The following LYPD6B variants were observed in gnomAD, a reference collection of about 807,000 sequenced individuals.
LYPD6B encodes the protein LY6/PLAUR domain containing 6B.
A neutral mutation model predicts 22.8 loss-of-function variants in LYPD6B; 17 were observed. That is an observed-to-expected ratio of 0.75 (90% CI 0.51 to 1.12). The LOEUF is 1.12. Ranked by LOEUF, LYPD6B falls within the 50% of genes most tolerant of loss-of-function variation. The pLI is 0.00. For synonymous variants in LYPD6B, 106 were observed against 91.6 expected (o/e 1.16, Z -0.90); for missense variants, 221 against 258.3 (o/e 0.86, Z 0.99).
intron 3 of LYPD6B, among the ~76,000 whole-genome samples, chr2:149,181,577 C>A (rs1691725808): frequency 6.6e-6 from 1 of 152,180 alleles, no homozygotes; most frequent in Non-Finnish European, 1.5e-5. Context: ...GTATCAACTT[C>A]CTTAAACTTT....
intron 1 of LYPD6B, among the ~76,000 whole-genome samples, chr2:149,078,304 G>A (rs1202312481): frequency 6.6e-6 from 1 of 152,134 alleles, no homozygotes; most frequent in African/African-American, 2.4e-5. Flanking sequence ...GTTTGCTTTT[G>A]CTTCCCTTCC....
intron 3 of LYPD6B, among the ~76,000 whole-genome samples, chr2:149,168,920 T>G (rs1690621748): frequency 6.6e-6 from 1 of 152,192 alleles, no homozygotes; most frequent in African/African-American, 2.4e-5. Flanking sequence ...ATGAGCCTAT[T>G]TAGGTATTAT....
intron 2 of LYPD6B, among the ~76,000 whole-genome samples, chr2:149,137,222 T>C (rs1688420464): frequency 6.6e-6 from 1 of 152,176 alleles, no homozygotes; most frequent in South Asian, 2.1e-4. Context: ...ATTAAATTGT[T>C]AAGATCATGC....
intron 1 of LYPD6B, among the ~76,000 whole-genome samples, chr2:149,053,324 C>G (rs548956953): frequency 7.9e-5 from 12 of 152,222 alleles, no homozygotes; most frequent in African/African-American, 2.6e-4. Flanking sequence ...AATGAATGTA[C>G]CATAAATAGC....
intron 1 of LYPD6B, among the ~76,000 whole-genome samples, chr2:149,121,663 C>T (rs1687366656): frequency 6.6e-6 from 1 of 152,144 alleles, no homozygotes; most frequent in Non-Finnish European, 1.5e-5. Context: ...CAGTCCTGGG[C>T]TGAAGGGGTG....
At chr2:149,159,498 G>T (rs1316787110) in intron 2 of LYPD6B, among the ~76,000 whole-genome samples, 1 of 151,676 alleles carries the variant, frequency 6.6e-6, no homozygotes, top group African/African-American at 2.4e-5. Flanking sequence ...TATATGTTTT[G>T]TAAATGAACT....
At chr2:149,091,311 C>T (rs1426824657) in intron 1 of LYPD6B, among the ~76,000 whole-genome samples, 3 of 150,402 alleles carry the variant, frequency 2.0e-5, no homozygotes, top group African/African-American at 7.3e-5. Flanking sequence ...GTAAAGATTA[C>T]ATAAAATAAA....
intron 3 of LYPD6B, among the ~76,000 whole-genome samples, chr2:149,178,790 C>T (rs1364311266): frequency 2.0e-5 from 3 of 152,140 alleles, no homozygotes; most frequent in Non-Finnish European, 4.4e-5. Flanking sequence ...TTACTCTAGC[C>T]AGTGGGTCTT....
At chr2:149,068,994 A>G in intron 1 of LYPD6B, 1 of 174,250 alleles carries the variant, frequency 5.7e-6, no homozygotes, top group South Asian at 1.3e-4. Context: ...ATCACTTCTT[A>G]AAACTCATTT....
At chr2:149,111,056 T>A (rs1450901409) in intron 1 of LYPD6B, among the ~76,000 whole-genome samples, 1 of 152,044 alleles carries the variant, frequency 6.6e-6, no homozygotes, top group Non-Finnish European at 1.5e-5. Context: ...GAGGAGAGCA[T>A]GGTCTTAGCA....
intron 3 of LYPD6B, among the ~76,000 whole-genome samples, chr2:149,172,210 C>T (rs1394530535): frequency 6.6e-6 from 1 of 152,160 alleles, no homozygotes; most frequent in Non-Finnish European, 1.5e-5. Flanking sequence ...ACTTATTAGA[C>T]CGTATGAGAA....
intron 1 of LYPD6B, among the ~76,000 whole-genome samples, chr2:149,097,696 A>G (rs947045380): frequency 2.6e-5 from 4 of 152,234 alleles, no homozygotes; most frequent in African/African-American, 9.7e-5. Context: ...TATAAAAGAA[A>G]GAAAGCAGAG....
rs149098324 is a variant in LYPD6B, at chr2:149,094,626, C to T, written c.-66-36257C>T. 7.4e-3 allele frequency among the ~76,000 whole-genome samples: 1,126 copies of T among 152,240 alleles called. 18 individuals are homozygous for T. The highest frequency in any genetic ancestry group is 8.0e-3 in the Non-Finnish European group (546 of 68,010). ...TTCATTAGCTCTTAGACAGATTCTT[C>T]TCTGTGAAGAAGAATAAACAAAAAT... On this transcript the variant is annotated intron_variant, in intron 1 of 6. Coordinates refer to ENST00000409642, the MANE Select transcript of LYPD6B (RefSeq NM_177964.5).
intron 1 of LYPD6B, among the ~76,000 whole-genome samples, chr2:149,092,690 A>ACTCCTT (rs1685712521): frequency 6.6e-6 from 1 of 152,168 alleles, no homozygotes; most frequent in East Asian, 1.9e-4. Context: ...AAAGAGAGAA[A>ACTCCTT]AAACAAGCCC....
chr2:149,156,011 T>G (rs1559038284), intron 2 of LYPD6B, among the ~76,000 whole-genome samples: 1 of 152,214 alleles, frequency 6.6e-6, no homozygotes. Context: ...CTACTCTTCC[T>G]TTTCTTTTCA....
rs1238657422 is a variant in LYPD6B at position 149,163,494 on chromosome 2, AC to A, written c.77+2661del. Among the ~76,000 whole-genome samples the A allele has an allele frequency of 5.4e-4, 82 of 152,280 alleles. 1 individual carries two copies. The highest frequency in any genetic ancestry group is 2.0e-4 in the Admixed American group (3 of 15,290). ...CAAAGGCTACCGGGCTTGTGTAAGAACCTTTAGCATCATGGCTGTCCAGCTT... is the reference window on the plus strand; with the variant it reads ...CAAAGGCTACCGGGCTTGTGTAAGAACTTTAGCATCATGGCTGTCCAGCTT... On this transcript the variant is annotated intron_variant, in intron 3 of 6. Coordinates refer to ENST00000409642, the MANE Select transcript of LYPD6B (RefSeq NM_177964.5).
intron 3 of LYPD6B, among the ~76,000 whole-genome samples, chr2:149,165,200 A>C (rs1333988155): frequency 6.6e-6 from 1 of 152,150 alleles, no homozygotes; most frequent in Non-Finnish European, 1.5e-5. Context: ...ACAAGAGCAA[A>C]AACTATAAGC....
At chr2:149,083,006 G>C (rs1392520820) in intron 1 of LYPD6B, among the ~76,000 whole-genome samples, 1 of 152,202 alleles carries the variant, frequency 6.6e-6, no homozygotes, top group Non-Finnish European at 1.5e-5. Flanking sequence ...CCAGCATGGA[G>C]AGCAGATGCT....
intron 3 of LYPD6B, chr2:149,187,459 T>C: frequency 6.5e-7 from 1 of 1,528,684 alleles, no homozygotes; most frequent in African/African-American, 1.4e-5. Context: ...AAGATGAGAA[T>C]CACAGTAAAC....
Sources: allele counts gnomAD v4.1 joint callset (sites outside exome capture counted in the v4.1 genomes callset), GRCh38; gene constraint gnomAD v4.1.1; transcripts MANE v1.5; gene names NCBI Gene and HGNC (gene_info 2026-07-23, HGNC 2026-07-21).